RECQL: variants seen among roughly 807,000 people sequenced by gnomAD.
RECQL encodes the protein RecQ like helicase, also known as ATP-dependent DNA helicase Q1.
RECQL carries 73 observed loss-of-function variants against 75.8 expected under a neutral mutation model. The ratio of observed to expected loss-of-function variants is 0.96; its 90% confidence interval spans 0.80 to 1.17. The LOEUF is 1.17. RECQL is among the 50% of genes most tolerant of loss of function. The pLI is 0.00. For synonymous variants in RECQL, 248 were observed against 254.4 expected, an observed-to-expected ratio of 0.97 and a Z score of 0.24; for missense variants, 699 against 772.1, an observed-to-expected ratio of 0.91 and a Z score of 1.12.
chr12:21,499,149 G>A (rs530858500), intron 2 of RECQL, among the ~76,000 whole-genome samples: 1 of 152,214 alleles, frequency 6.6e-6, no homozygotes, highest in East Asian at 1.9e-4. Flanking sequence ...ACACAAATAA[G>A]GTAAAAATTA....
In RECQL at chr12:21,501,574, C is replaced by G. The variant is rs373025091; in HGVS notation, c.-450G>C. 62 of 301,534 alleles carry G rather than the reference C, an allele frequency of 2.1e-4. 2 individuals are homozygous for G. The highest frequency in any genetic ancestry group is 1.0e-3 in the South Asian group (26 of 24,962). 18.7% of individuals were successfully genotyped at this position (301,534 alleles called of 1,614,324 possible). A position where few individuals can be genotyped will look rare whatever the true frequency, so the allele number is the denominator to read the frequency against. On this transcript the variant is annotated 5_prime_UTR_variant, in exon 1 of 15. Coordinates refer to ENST00000444129, the MANE Select transcript of RECQL (RefSeq NM_002907.4). The stretch of plus-strand genomic sequence containing the variant: ...CTCCGACACCAAAGCACCCAGGCCT[C>G]GAGCAGATCTTTCCGCTACTCGGGA...
intron 2 of RECQL, among the ~76,000 whole-genome samples, chr12:21,496,934 T>C (rs1943519776): frequency 6.6e-6 from 1 of 152,208 alleles, no homozygotes; most frequent in East Asian, 1.9e-4. Context: ...TGCTGTAAGT[T>C]TGTGATGAAT....
At chr12:21,491,998 G>C (rs1217837519) in intron 2 of RECQL, among the ~76,000 whole-genome samples, 1 of 152,140 alleles carries the variant, frequency 6.6e-6, no homozygotes, top group Non-Finnish European at 1.5e-5. Flanking sequence ...TTTATGAAGA[G>C]CTAGTGAGAT....
At chr12:21,495,434 A>C (rs1036784374) in intron 2 of RECQL, among the ~76,000 whole-genome samples, 1 of 152,124 alleles carries the variant, frequency 6.6e-6, no homozygotes, top group Non-Finnish European at 1.5e-5. Context: ...GTCTCTACTA[A>C]AAATACAAAA....
chr12:21,480,927 G>T (rs1031519972), intron 6 of RECQL, among the ~76,000 whole-genome samples: 2 of 152,170 alleles, frequency 1.3e-5, no homozygotes, highest in Non-Finnish European at 2.9e-5. Context: ...ACAGGTGGTT[G>T]TTGCTTCTTC....
chr12:21,477,858 A>G lies in RECQL; in HGVS notation c.812T>C (p.Ile271Thr), dbSNP rs1207050441. 2 of 1,613,854 alleles carry G rather than the reference A, an allele frequency of 1.2e-6. No individual in the cohort carries two copies. Among genetic ancestry groups the G allele is most frequent in the Non-Finnish European group, 1.7e-6 (2 of 1,179,916 alleles). ...AGCTGTAAAAGTAAAACACTTTTCA[A>G]TGCACAAAATTTTCTGAGCATCCGT... is the stretch of plus-strand genomic sequence containing the variant. ...VLTDAQKILCIEKCFTFTASF... is the reference protein window; with the variant it reads ...VLTDAQKILCTEKCFTFTASF... Residue 271 changes from isoleucine (I) to threonine (T), a missense_variant, in exon 7 of 15, where the codon ATT (isoleucine) becomes ACT (threonine). Transcript: ENST00000444129.
rs747681542 is a variant in RECQL at position 21,486,476 on chromosome 12, T to TACCTTAGAACTAGA, written c.490_501+2dup. The TACCTTAGAACTAGA allele has an allele frequency of 6.4e-7, 1 of 1,559,564 alleles. No individual in the cohort carries two copies. The highest frequency in any genetic ancestry group is 2.3e-5 in the East Asian group (1 of 44,102). On this transcript the variant is annotated splice_region_variant and intron_variant, in intron 5 of 14. Transcript: ENST00000444129. ...TAAAAAAAAAAAAGCCACTGAAACA[T>TACCTTAGAACTAGA]ACCTTAGAACTAGAAGCATTTAACA...
intron 1 of RECQL, 117 bp downstream of exon 1, chr12:21,501,051 TAA>T (rs1565578932): frequency 6.6e-6 from 1 of 151,882 alleles, no homozygotes; most frequent in African/African-American, 2.4e-5. Context: ...TACCATAGGC[TAA>T]ATCCTCTCTC....
chr12:21,492,523 T>C (rs889402057), intron 2 of RECQL, among the ~76,000 whole-genome samples: 1 of 152,162 alleles, frequency 6.6e-6, no homozygotes, highest in African/African-American at 2.4e-5. Context: ...GATGTTGGGG[T>C]ACCTTTTTAT....
chr12:21,478,062 A>G, intron 6 of RECQL, 93 bp from the exon 7 acceptor site: 1 of 1,300,682 alleles, frequency 7.7e-7, no homozygotes, highest in Non-Finnish European at 1.0e-6. Flanking sequence ...GATGACTACT[A>G]TGATTTTGTT....
chr12:21,478,238 G>C (rs1943124230), intron 6 of RECQL, among the ~76,000 whole-genome samples: 1 of 152,062 alleles, frequency 6.6e-6, no homozygotes, highest in Non-Finnish European at 1.5e-5. Flanking sequence ...AGATAAAACA[G>C]GCCATCAGAC....
At chr12:21,477,180 A>T (rs1234243103) in intron 7 of RECQL, among the ~76,000 whole-genome samples, 188 bp from the exon 8 acceptor site, 3 of 151,852 alleles carry the variant, frequency 2.0e-5, no homozygotes, top group Non-Finnish European at 4.4e-5. Flanking sequence ...CTTGATCTTT[A>T]TTTTTTTAAT....
chr12:21,487,492 T>C (rs1943327776), intron 4 of RECQL, among the ~76,000 whole-genome samples: 1 of 152,220 alleles, frequency 6.6e-6, no homozygotes, highest in Non-Finnish European at 1.5e-5. Context: ...TAAAATTATA[T>C]ATGGCTTTAC....
chr12:21,486,587 TAA>T lies in RECQL; in HGVS notation c.395-4_395-3del. 2 of 1,272,866 alleles carry T rather than the reference TAA, an allele frequency of 1.6e-6. No homozygotes were observed. Among genetic ancestry groups the T allele is most frequent in the South Asian group, 1.4e-5 (1 of 71,388 alleles). The allele number at this position is 1,272,866 out of a possible 1,614,324, so 78.8% of individuals were successfully genotyped here. On this transcript the variant is annotated splice_polypyrimidine_tract_variant and splice_region_variant and intron_variant, in intron 4 of 14. Transcript: ENST00000444129. ...ATGGGCAAATGACGAGTGTAAAACC[TAA>T]AAGAGAAAAAAAAAAAAATCTACCT...
In RECQL at chr12:21,499,707, G is replaced by A. The variant is rs12423412; in HGVS notation, c.-45-92C>T. On this transcript the variant is annotated intron_variant, in intron 1 of 14. Coordinates refer to ENST00000444129, the MANE Select transcript of RECQL (RefSeq NM_002907.4). ...ACAGTAATCTGTCATTCCTAAGCAC[G>A]GAAAATGTTAGAAAGTAAATTATAT... 0.22 allele frequency: 139,812 copies of A among 623,600 alleles called. 17,247 individuals are homozygous for A. Among genetic ancestry groups the A allele is most frequent in the East Asian group, 0.31 (10,757 of 34,196 alleles). 38.6% of individuals were successfully genotyped at this position (623,600 alleles called of 1,614,324 possible).
intron 6 of RECQL, 90 bp downstream of exon 6, chr12:21,483,286 T>C: frequency 1.2e-6 from 1 of 865,456 alleles, no homozygotes; most frequent in East Asian, 2.7e-5. Flanking sequence ...TTGAGGATGA[T>C]TTTAATAGAA....
chr12:21,473,811 A>G (rs1189085032), intron 11 of RECQL, among the ~76,000 whole-genome samples, 169 bp from the exon 12 acceptor site: 1 of 152,134 alleles, frequency 6.6e-6, no homozygotes, highest in Admixed American at 6.6e-5. Context: ...TGTGGTTTAG[A>G]TTTAGAAGTG....
intron 7 of RECQL, 121 bp downstream of exon 7, chr12:21,477,682 C>T (rs1473473762): frequency 6.1e-6 from 4 of 651,096 alleles, no homozygotes; most frequent in Non-Finnish European, 9.9e-6. Flanking sequence ...TTATAATTAC[C>T]TCCTAATGTT....
Position 21,477,890 on chromosome 12 carries a change from G to C in RECQL, c.780C>G (p.His260Gln), listed in dbSNP as rs767546518. 1 of 1,613,808 alleles carries C rather than the reference G, an allele frequency of 6.2e-7. No homozygotes were observed. The highest frequency in any genetic ancestry group is 1.7e-5 in the Admixed American group (1 of 59,950). ...AAATTTTCTGAGCATCCGTCAAAACGTGATTTGTTGCAGTTGCAGTCAGCC... is the reference window on the plus strand; with the variant it reads ...AAATTTTCTGAGCATCCGTCAAAACCTGATTTGTTGCAGTTGCAGTCAGCC... ...LIGLTATATN[H>Q]VLTDAQKILC... is the part of the protein sequence containing the mutation. Residue 260 changes from histidine (H) to glutamine (Q), a missense_variant, in exon 7 of 15, where the codon CAC (histidine) becomes CAG (glutamine). This residue lies in a region of RECQL where 669 missense variants were observed against 713.5 expected (regional missense o/e 0.94). Transcript: ENST00000444129.
Sources: allele counts gnomAD v4.1 joint callset (sites outside exome capture counted in the v4.1 genomes callset), GRCh38; gene constraint gnomAD v4.1.1; regional missense constraint gnomAD v4.1.1; transcripts MANE v1.5; gene names NCBI Gene and HGNC (gene_info 2026-07-23, HGNC 2026-07-21).